ZRANB3: variants seen among roughly 807,000 people sequenced by gnomAD.
ZRANB3 encodes DNA annealing helicase and endonuclease ZRANB3.
A neutral mutation model predicts 133.8 loss-of-function variants in ZRANB3; 125 were observed. That is an observed-to-expected ratio of 0.93 (90% CI 0.81 to 1.08). The LOEUF is 1.08. ZRANB3 is among the 50% of genes least tolerant of loss of function. The pLI is 0.00. For missense variants in ZRANB3, 1,229 were observed against 1,275.5 expected, an observed-to-expected ratio of 0.96 and a Z score of 0.56; for synonymous variants, 387 against 432.7, an observed-to-expected ratio of 0.89 and a Z score of 1.31.
At chr2:135,369,543 C>T (rs1686077150) in intron 3 of ZRANB3, among the ~76,000 whole-genome samples, 3 of 151,480 alleles carry the variant, frequency 2.0e-5, no homozygotes, top group East Asian at 1.9e-4. Context: ...GAAGAGGACA[C>T]GAAGCTAAGA....
intron 8 of ZRANB3, among the ~76,000 whole-genome samples, chr2:135,282,604 A>T (rs1485168645): frequency 1.3e-5 from 2 of 150,890 alleles, no homozygotes; most frequent in African/African-American, 5.0e-5. Context: ...TTCCTTATAA[A>T]TATATCTGCA....
At chr2:135,393,921 G>A (rs1163567062) in intron 2 of ZRANB3, among the ~76,000 whole-genome samples, 4 of 151,978 alleles carry the variant, frequency 2.6e-5, no homozygotes, top group Non-Finnish European at 4.4e-5. Context: ...GCAACGGCAC[G>A]ATCTCGGCTC....
At chr2:135,218,633 AC>A (rs1558836776) in intron 16 of ZRANB3, among the ~76,000 whole-genome samples, 1 of 151,958 alleles carries the variant, frequency 6.6e-6, no homozygotes, top group Non-Finnish European at 1.5e-5. Flanking sequence ...CAGTGTTAAG[AC>A]CTCCCTGGCA....
At chr2:135,471,355 A>G (rs1433022430) in intron 2 of ZRANB3, among the ~76,000 whole-genome samples, 2 of 152,126 alleles carry the variant, frequency 1.3e-5, no homozygotes, top group Admixed American at 1.3e-4. Flanking sequence ...CACTTCAGCA[A>G]TAAGATCTTA....
chr2:135,415,917 C>A (rs1688547190), intron 2 of ZRANB3, among the ~76,000 whole-genome samples: 1 of 151,940 alleles, frequency 6.6e-6, no homozygotes, highest in African/African-American at 2.4e-5. Flanking sequence ...ACCCTTCATG[C>A]TAAAAACTCT....
rs908714785 is a variant in ZRANB3, at chr2:135,488,555, T to C, written c.161+15774A>G. 4.6e-5 allele frequency among the ~76,000 whole-genome samples: 7 copies of C among 151,640 alleles called. No individual in the cohort carries two copies. In the South Asian group the frequency reaches 1.2e-3, roughly 27 times the overall value. ...ATTATACTATATAGCATACTATATT[T>C]GAATATACTATATAGCATAATTTGT... is the stretch of plus-strand genomic sequence containing the variant. On this transcript the variant is annotated intron_variant, in intron 2 of 20. Transcript: ENST00000264159.
In ZRANB3 at chr2:135,444,049, T is replaced by C. The variant is rs144200683; in HGVS notation, c.162-53229A>G. Among the ~76,000 whole-genome samples, 470 of 151,620 alleles carry C rather than the reference T, an allele frequency of 3.1e-3. 13 individuals carry two copies. The highest frequency in any genetic ancestry group is 0.029 in the Admixed American group (443 of 15,232). On this transcript the variant is annotated intron_variant, in intron 2 of 20. Transcript: ENST00000264159. Reference sequence around the variant, plus strand: ...AAGCTGTTCAACATCATTACTTACATGGAAATGCAAATTAAAGCCACAATG... The same window carrying C: ...AAGCTGTTCAACATCATTACTTACACGGAAATGCAAATTAAAGCCACAATG...
At position 135,271,718 on chromosome 2, in the gene ZRANB3, TC is replaced by T. The variant is rs774779653; in HGVS notation, c.1206+49del. The T allele has an allele frequency of 9.5e-5, 148 of 1,560,480 alleles. 1 individual carries two copies. In the East Asian group the frequency reaches 3.3e-3, roughly 35 times the overall value. On this transcript the variant is annotated intron_variant, in intron 10 of 20. Coordinates refer to ENST00000264159, the MANE Select transcript of ZRANB3 (RefSeq NM_032143.4). The stretch of plus-strand genomic sequence containing the variant: ...CAAAGTTATAGTGAATGGCCTTTTT[TC>T]TTATTTCAATGACATTTCATAACCA...
At chr2:135,487,281 T>C (rs973231490) in intron 2 of ZRANB3, among the ~76,000 whole-genome samples, 3 of 152,226 alleles carry the variant, frequency 2.0e-5, no homozygotes, top group Admixed American at 6.5e-5. Flanking sequence ...CATCCAGGCT[T>C]TGTTATTCTA....
intron 6 of ZRANB3, among the ~76,000 whole-genome samples, chr2:135,325,614 C>G (rs1573913694): frequency 6.6e-6 from 1 of 152,138 alleles, no homozygotes; most frequent in East Asian, 1.9e-4. Flanking sequence ...CCAGGACGGT[C>G]TTGATCTCCT....
At chr2:135,344,160 G>A (rs546509361) in intron 6 of ZRANB3, among the ~76,000 whole-genome samples, 2 of 152,214 alleles carry the variant, frequency 1.3e-5, no homozygotes, top group Admixed American at 1.3e-4. Context: ...ACTCTCCAAG[G>A]CAGGCATAAT....
At chr2:135,327,885 T>C (rs1558919600) in intron 6 of ZRANB3, among the ~76,000 whole-genome samples, 1 of 152,138 alleles carries the variant, frequency 6.6e-6, no homozygotes, top group Non-Finnish European at 1.5e-5. Context: ...TCAAAAAATG[T>C]CCTAAGATAG....
intron 2 of ZRANB3, among the ~76,000 whole-genome samples, chr2:135,404,131 G>C (rs1428402037): frequency 6.6e-6 from 1 of 152,132 alleles, no homozygotes; most frequent in African/African-American, 2.4e-5. Flanking sequence ...AGAGAAGAAG[G>C]CTTCAGATGA....
intron 3 of ZRANB3, among the ~76,000 whole-genome samples, chr2:135,372,719 G>A (rs941089598): frequency 7.9e-5 from 12 of 151,340 alleles, no homozygotes; most frequent in Non-Finnish European, 1.5e-4. Flanking sequence ...CCCGGGAGGC[G>A]GAGCTTGCAG....
In ZRANB3 at chr2:135,353,448, A is replaced by C. The variant is rs189581518; in HGVS notation, c.359+2T>G. 4.4e-4 allele frequency: 685 copies of C among 1,570,528 alleles called. 2 individuals carry two copies. The African/African-American group carries it at 8.2e-3, about 19-fold the overall frequency. On this transcript the variant is annotated splice_donor_variant, in intron 4 of 20. Transcript: ENST00000264159. LOFTEE classifies it high-confidence loss of function. ...CCTTAAATATTAAACAGTTGTTCTT[A>C]CCTAACATCAGTTTTATTCTGAATA...
At chr2:135,329,141 A>G (rs1684000658) in intron 6 of ZRANB3, among the ~76,000 whole-genome samples, 1 of 152,214 alleles carries the variant, frequency 6.6e-6, no homozygotes, top group Non-Finnish European at 1.5e-5. Context: ...GCCCATGCCT[A>G]TATCCTGAAT....
chr2:135,506,385 A>G (rs1693191532), intron 1 of ZRANB3, among the ~76,000 whole-genome samples: 1 of 152,094 alleles, frequency 6.6e-6, no homozygotes, highest in Admixed American at 6.6e-5. Context: ...GCAAAACTTC[A>G]TCTCAAAAAA....
intron 1 of ZRANB3, among the ~76,000 whole-genome samples, chr2:135,521,954 G>T (rs1399946007): frequency 6.6e-6 from 1 of 152,136 alleles, no homozygotes; most frequent in Admixed American, 6.5e-5. Flanking sequence ...GGGGAGCCAT[G>T]GGCGGCCTCT....
In ZRANB3 at chr2:135,197,542, G is replaced by T. The variant is rs1001192962; in HGVS notation, c.*2800C>A. ...GGGCTGTAATTAACGCCAAGAGTGGGCGTCTTTAAAAATTCCATATGAATT... is the reference window on the plus strand; with the variant it reads ...GGGCTGTAATTAACGCCAAGAGTGGTCGTCTTTAAAAATTCCATATGAATT... On this transcript the variant is annotated 3_prime_UTR_variant, in exon 21 of 21. Transcript: ENST00000264159. 3.3e-5 allele frequency: 5 copies of T among 152,170 alleles called. No individual in the cohort carries two copies. Among genetic ancestry groups the T allele is most frequent in the African/African-American group, 1.2e-4 (5 of 41,460 alleles). 9.4% of individuals were successfully genotyped at this position (152,170 alleles called of 1,614,324 possible). A position where few individuals can be genotyped will look rare whatever the true frequency, so the allele number is the denominator to read the frequency against.
Sources: gnomAD v4.1 joint callset for allele counts (sites outside exome capture counted in the v4.1 genomes callset) on GRCh38, gnomAD v4.1.1 for gene constraint, MANE v1.5 for transcripts, NCBI Gene and HGNC (gene_info 2026-07-23, HGNC 2026-07-21) for gene names.